Variants in TASP1 observed in about 807,000 individuals in gnomAD.
TASP1 encodes threonine aspartase 1.
Under a neutral mutation model 56.6 loss-of-function variants are expected in TASP1, and 16 were observed. That is an observed-to-expected ratio of 0.28 (90% CI 0.19 to 0.43). TASP1 has a LOEUF of 0.43. Among genes scored for constraint, TASP1 ranks in the 20% least tolerant of loss-of-function variants. The pLI is 1.00. For synonymous variants in TASP1, 179 were observed against 184.2 expected (o/e 0.97, Z 0.23); for missense variants, 393 against 511.6 (o/e 0.77, Z 2.24).
chr20:13,197,498 A>G, the TASP1 span, among the ~76,000 whole-genome samples: 1 of 152,216 alleles, frequency 6.6e-6, no homozygotes, highest in African/African-American at 2.4e-5. Flanking sequence ...TAAGTGATAT[A>G]ATTAAGCTTC....
chr20:13,270,788 T>C, the TASP1 span: 11 of 1,574,752 alleles, frequency 7.0e-6, no homozygotes, highest in Middle Eastern at 1.7e-4. Flanking sequence ...AAACAGTCCA[T>C]CTTTTGTTTT....
chr20:13,203,580 A>T, the TASP1 span, among the ~76,000 whole-genome samples: 133 of 152,362 alleles, frequency 8.7e-4, no homozygotes, highest in Non-Finnish European at 1.2e-3. Context: ...ATTAATGGAT[A>T]AATTAATTAA....
chr20:13,462,474 T>C (rs530018327), intron 11 of TASP1, among the ~76,000 whole-genome samples: 29 of 152,180 alleles, frequency 1.9e-4, no homozygotes, highest in Non-Finnish European at 3.7e-4. Flanking sequence ...TTGAAGGGCA[T>C]GAACCCTTTT....
chr20:13,277,162 A>C, the TASP1 span, among the ~76,000 whole-genome samples: 1 of 152,146 alleles, frequency 6.6e-6, no homozygotes, highest in African/African-American at 2.4e-5. Flanking sequence ...AATCATATTG[A>C]CGGTAATAGC....
the TASP1 span, among the ~76,000 whole-genome samples, chr20:13,173,908 G>A: frequency 0.021 from 3,229 of 152,258 alleles, 46 homozygotes; most frequent in Non-Finnish European, 0.033. Flanking sequence ...TTATCCATCT[G>A]CACCTTCCCT....
At chr20:13,535,813 A>C (rs931692381) in intron 8 of TASP1, among the ~76,000 whole-genome samples, 1 of 152,120 alleles carries the variant, frequency 6.6e-6, no homozygotes, top group African/African-American at 2.4e-5. Context: ...TCTGTTTCGC[A>C]AGATTTGACT....
At chr20:13,626,871 C>G (rs1463386594) in intron 2 of TASP1, among the ~76,000 whole-genome samples, 1 of 151,876 alleles carries the variant, frequency 6.6e-6, no homozygotes, top group Non-Finnish European at 1.5e-5. Flanking sequence ...ACATGTAAAT[C>G]CTTTTGAAAT....
intron 11 of TASP1, among the ~76,000 whole-genome samples, chr20:13,456,058 C>T (rs557611469): frequency 1.5e-3 from 230 of 152,204 alleles, no homozygotes; most frequent in Non-Finnish European, 2.5e-3. Context: ...AGAACTATAA[C>T]AGCAGATGAA....
At chr20:13,636,455 C>T (rs867614861) in intron 1 of TASP1, among the ~76,000 whole-genome samples, 1 of 151,768 alleles carries the variant, frequency 6.6e-6, no homozygotes, top group African/African-American at 2.4e-5. Flanking sequence ...CCACCACACC[C>T]AGCCTTGTGT....
At chr20:13,434,803 T>G (rs1208091571) in intron 12 of TASP1, among the ~76,000 whole-genome samples, 1 of 152,166 alleles carries the variant, frequency 6.6e-6, no homozygotes, top group African/African-American at 2.4e-5. Flanking sequence ...TGGACTTTAG[T>G]AAAGGTCCTT....
chr20:13,541,521 C>A (rs2045621949), intron 8 of TASP1, among the ~76,000 whole-genome samples: 1 of 152,134 alleles, frequency 6.6e-6, no homozygotes, highest in African/African-American at 2.4e-5. Flanking sequence ...CACACCTAAT[C>A]TCCCGTTCTT....
the TASP1 span, among the ~76,000 whole-genome samples, chr20:13,286,151 C>G: frequency 6.6e-6 from 1 of 152,142 alleles, no homozygotes; most frequent in Non-Finnish European, 1.5e-5. Context: ...TTCCCTTTAA[C>G]AAAATCTGGC....
the TASP1 span, among the ~76,000 whole-genome samples, chr20:13,346,144 A>G: frequency 2.0e-5 from 3 of 148,684 alleles, no homozygotes; most frequent in East Asian, 1.9e-4. Flanking sequence ...GAAGGAAAAA[A>G]GATACAAAGT....
chr20:13,214,884 C>T, the TASP1 span, among the ~76,000 whole-genome samples: 65 of 152,060 alleles, frequency 4.3e-4, no homozygotes, highest in East Asian at 7.2e-3. Flanking sequence ...TAGAGGATGG[C>T]GCAAGGAGCC....
the TASP1 span, chr20:13,299,873 T>C: frequency 6.2e-6 from 1 of 160,388 alleles, no homozygotes; most frequent in Non-Finnish European, 1.4e-5. This position sits in a 1 kb window ranked among gnomAD's most constrained non-coding sequence, Gnocchi z 5.8. Flanking sequence ...TGTGACTTAA[T>C]TAAGCGTAAC....
the TASP1 span, chr20:13,164,779 G>A: frequency 6.2e-7 from 1 of 1,613,724 alleles, no homozygotes; most frequent in Non-Finnish European, 8.5e-7. Flanking sequence ...GATGAAATGG[G>A]TGATCTCTTG....
the TASP1 span, among the ~76,000 whole-genome samples, chr20:13,151,985 T>TA: frequency 2.0e-4 from 29 of 147,564 alleles, no homozygotes; most frequent in East Asian, 2.9e-3. Flanking sequence ...CTGCCTCTAC[T>TA]AAAAAAAAAA....
At chr20:13,317,836 AG>A in the TASP1 span, among the ~76,000 whole-genome samples, 1 of 152,152 alleles carries the variant, frequency 6.6e-6, no homozygotes, top group Non-Finnish European at 1.5e-5. Flanking sequence ...ATTATCTAAA[AG>A]TCCTAGAAGA....
At chr20:13,585,872 C>T (rs1449660259) in intron 5 of TASP1, among the ~76,000 whole-genome samples, 7 of 152,064 alleles carry the variant, frequency 4.6e-5, no homozygotes, top group African/African-American at 9.7e-5. Flanking sequence ...CAGTGGCTCA[C>T]GCCTATAATC....
Sources: gnomAD v4.1 joint callset for allele counts (sites outside exome capture counted in the v4.1 genomes callset) on GRCh38, gnomAD v4.1.1 for gene constraint, Gnocchi (gnomAD v3.1) non-coding constraint, MANE v1.5 for transcripts, NCBI Gene and HGNC (gene_info 2026-07-23, HGNC 2026-07-21) for gene names.